The following AP1S3 variants were observed in gnomAD, a reference collection of about 807,000 sequenced individuals.
AP1S3 encodes AP-1 complex subunit sigma-3.
In AP1S3, 10 loss-of-function variants were observed where a neutral mutation model predicts 20.9. That is an observed-to-expected ratio of 0.48 (90% CI 0.29 to 0.81). The LOEUF is 0.81. Among genes scored for constraint, AP1S3 ranks in the 30% least tolerant of loss-of-function variants. The pLI, the probability that AP1S3 is intolerant of heterozygous loss-of-function variation, is 0.08. For synonymous variants in AP1S3, 41 were observed against 61.5 expected, an observed-to-expected ratio of 0.67 and a Z score of 1.56; for missense variants, 154 against 183.8, an observed-to-expected ratio of 0.84 and a Z score of 0.94.
At chr2:223,802,651 G>A (rs1183376619) in intron 1 of AP1S3, among the ~76,000 whole-genome samples, 2 of 151,950 alleles carry the variant, frequency 1.3e-5, no homozygotes, top group Non-Finnish European at 1.5e-5. Context: ...AATCCCAAAC[G>A]CACCAAAGCC....
At chr2:223,759,183 G>A (rs751559736) in intron 4 of AP1S3, among the ~76,000 whole-genome samples, 29 of 152,128 alleles carry the variant, frequency 1.9e-4, no homozygotes, top group Non-Finnish European at 3.5e-4. Flanking sequence ...GGGAAGCTGA[G>A]GCAGGAGAAT....
intron 1 of AP1S3, among the ~76,000 whole-genome samples, chr2:223,786,795 C>T (rs1691088750): frequency 6.6e-6 from 1 of 152,000 alleles, no homozygotes; most frequent in Non-Finnish European, 1.5e-5. Context: ...GTCCCAACTA[C>T]TTGGGGGACT....
chr2:223,828,489 C>T (rs1004346096), intron 1 of AP1S3, among the ~76,000 whole-genome samples: 4 of 152,006 alleles, frequency 2.6e-5, no homozygotes, highest in Non-Finnish European at 5.9e-5. Flanking sequence ...AACACTGCCC[C>T]CTACCCCATG....
rs1055789792 is a variant in AP1S3, at chr2:223,758,364, T to C, written c.*351A>G. 28 of 1,019,266 alleles carry C rather than the reference T, an allele frequency of 2.7e-5. No individual in the cohort carries two copies. The highest frequency in any genetic ancestry group is 3.2e-5 in the Non-Finnish European group (27 of 851,822). 63.1% of individuals were successfully genotyped at this position (1,019,266 alleles called of 1,614,324 possible). Reference sequence around the variant, plus strand: ...TTCAAAATCATGGATTATTACAATATTGTGTCAAATGCAAAAAAAATTGCA... The same window carrying C: ...TTCAAAATCATGGATTATTACAATACTGTGTCAAATGCAAAAAAAATTGCA... On this transcript the variant is annotated 3_prime_UTR_variant, in exon 5 of 5. Transcript: ENST00000396654.
At chr2:223,773,297 A>T (rs1394368801) in intron 3 of AP1S3, 1 of 1,303,360 alleles carries the variant, frequency 7.7e-7, no homozygotes, top group East Asian at 5.5e-5. Flanking sequence ...AAGGCAGGTT[A>T]CGGGAATGCC....
intron 1 of AP1S3, among the ~76,000 whole-genome samples, chr2:223,800,455 C>G (rs1182241296): frequency 6.6e-6 from 1 of 151,840 alleles, no homozygotes; most frequent in East Asian, 1.9e-4. Context: ...TCACTTAAGC[C>G]TGAGTTCAAG....
intron 1 of AP1S3, among the ~76,000 whole-genome samples, chr2:223,817,124 T>C (rs1419117233): frequency 6.6e-6 from 1 of 151,666 alleles, no homozygotes; most frequent in Non-Finnish European, 1.5e-5. Flanking sequence ...GACAACTCTG[T>C]CTCAATAAAA....
At chr2:223,827,093 C>G (rs1009836682) in intron 1 of AP1S3, among the ~76,000 whole-genome samples, 3 of 152,130 alleles carry the variant, frequency 2.0e-5, no homozygotes, top group Non-Finnish European at 2.9e-5. Context: ...TCTGAGAGAC[C>G]AATCTGCCTT....
At chr2:223,804,903 T>C (rs1691544771) in intron 1 of AP1S3, among the ~76,000 whole-genome samples, 1 of 152,240 alleles carries the variant, frequency 6.6e-6, no homozygotes, top group Non-Finnish European at 1.5e-5. Context: ...TTGGCAGATC[T>C]GGTTCTAGTT....
At chr2:223,793,992 T>C (rs1383393835) in intron 1 of AP1S3, among the ~76,000 whole-genome samples, 1 of 152,216 alleles carries the variant, frequency 6.6e-6, no homozygotes, top group Admixed American at 6.5e-5. Flanking sequence ...ATTCTGTGTT[T>C]ATCCTTTGTG....
intron 1 of AP1S3, among the ~76,000 whole-genome samples, chr2:223,821,029 C>T (rs1691975323): frequency 6.6e-6 from 1 of 152,218 alleles, no homozygotes; most frequent in South Asian, 2.1e-4. Flanking sequence ...ACCATACATT[C>T]ATCTTCCATG....
At chr2:223,821,621 A>G (rs554477919) in intron 1 of AP1S3, among the ~76,000 whole-genome samples, 6 of 152,200 alleles carry the variant, frequency 3.9e-5, no homozygotes, top group Non-Finnish European at 8.8e-5. Context: ...TTCGTGAGCA[A>G]TGCAAGATTC....
In AP1S3 at chr2:223,758,015, C is replaced by A. The variant is rs1176531624; in HGVS notation, c.*700G>T. 1 of 973,690 alleles carries A rather than the reference C, an allele frequency of 1.0e-6. No individual in the cohort carries two copies. 60.3% of individuals were successfully genotyped at this position (973,690 alleles called of 1,614,324 possible). A position where few individuals can be genotyped will look rare whatever the true frequency, so the allele number is the denominator to read the frequency against. ...TAATAAATATATAGTTCATAGAAAACCTTATTGGAATGTCCCTTATATTCA... is the reference window on the plus strand; with the variant it reads ...TAATAAATATATAGTTCATAGAAAAACTTATTGGAATGTCCCTTATATTCA... On this transcript the variant is annotated 3_prime_UTR_variant, in exon 5 of 5. Coordinates refer to ENST00000396654, the MANE Select transcript of AP1S3 (RefSeq NM_001039569.2).
chr2:223,797,570 T>C (rs1160435511), intron 1 of AP1S3, among the ~76,000 whole-genome samples: 1 of 152,156 alleles, frequency 6.6e-6, no homozygotes, highest in East Asian at 1.9e-4. Flanking sequence ...GAGACCAGCC[T>C]GGCCAACATG....
Position 223,809,768 on chromosome 2 carries a change from G to A in AP1S3, c.3+27680C>T, listed in dbSNP as rs989397211. 7.5e-5 allele frequency among the ~76,000 whole-genome samples: 11 copies of A among 146,320 alleles called. No homozygotes were observed. In the East Asian group the frequency reaches 1.6e-3, roughly 22 times the overall value. On this transcript the variant is annotated intron_variant, in intron 1 of 4. Transcript: ENST00000396654. ...TTTTGAGATAGAGTCTTGCTCTGTC[G>A]CCCAGGCTGGAATGCAGTGGCGCGA...
At chr2:223,801,311 G>T (rs558616957) in intron 1 of AP1S3, among the ~76,000 whole-genome samples, 1 of 152,176 alleles carries the variant, frequency 6.6e-6, no homozygotes, top group African/African-American at 2.4e-5. Flanking sequence ...GCTGGGCTTT[G>T]ATTCCAGAGC....
intron 1 of AP1S3, among the ~76,000 whole-genome samples, chr2:223,795,711 G>T (rs556485311): frequency 1.3e-5 from 2 of 152,154 alleles, no homozygotes; most frequent in African/African-American, 4.8e-5. Context: ...GAGCTAAGTC[G>T]ATGTGAAAAA....
At chr2:223,836,895 T>G (rs994118549) in intron 1 of AP1S3, among the ~76,000 whole-genome samples, 1 of 152,026 alleles carries the variant, frequency 6.6e-6, no homozygotes, top group African/African-American at 2.4e-5. Flanking sequence ...CCTTCTCCCC[T>G]CCGCTTTGCT....
chr2:223,780,349 A>AGTGT (rs1298235522), intron 1 of AP1S3, among the ~76,000 whole-genome samples: 292 of 69,728 alleles, frequency 4.2e-3, no homozygotes, highest in South Asian at 5.7e-3. Flanking sequence ...AGAGAGAGAG[A>AGTGT]GAGAGAGAGT....
Sources: allele counts gnomAD v4.1 joint callset (sites outside exome capture counted in the v4.1 genomes callset), GRCh38; gene constraint gnomAD v4.1.1; transcripts MANE v1.5; gene names NCBI Gene and HGNC (gene_info 2026-07-23, HGNC 2026-07-21).